H6PD: variants seen among roughly 807,000 people sequenced by gnomAD.
H6PD encodes hexose-6-phosphate dehydrogenase/glucose 1-dehydrogenase.
A neutral mutation model predicts 61.2 loss-of-function variants in H6PD; 48 were observed. That is an observed-to-expected ratio of 0.78 (90% CI 0.62 to 1.00). The LOEUF is 1.00. Among genes scored for constraint, H6PD ranks in the 50% least tolerant of loss-of-function variants. The pLI is 0.00. For synonymous variants in H6PD, 480 were observed against 457.9 expected, an observed-to-expected ratio of 1.05 and a Z score of -0.62; for missense variants, 1,093 against 1,065.0, an observed-to-expected ratio of 1.03 and a Z score of -0.37.
At chr1:9,263,209 G>A (rs986049760) in intron 4 of H6PD, among the ~76,000 whole-genome samples, 1 of 152,176 alleles carries the variant, frequency 6.6e-6, no homozygotes, top group African/African-American at 2.4e-5. Flanking sequence ...GCGTCCTTTA[G>A]AGTCTCCAGG....
At position 9,252,123 on chromosome 1, in the gene H6PD, C is replaced by T. The variant is rs150378682; in HGVS notation, c.745+5040C>T. 2.0e-4 allele frequency among the ~76,000 whole-genome samples: 31 copies of T among 152,184 alleles called. No individual in the cohort carries two copies. The East Asian group carries it at 5.2e-3, about 26-fold the overall frequency. ...CTTCCAAGTTTGCAAGGAGAGGCAG[C>T]GGCAGTGTTCTTGCAGTGTGTCTGA... On this transcript the variant is annotated intron_variant, in intron 3 of 4. Transcript: ENST00000377403.
At chr1:9,250,854 C>T (rs74053624) in intron 3 of H6PD, among the ~76,000 whole-genome samples, 51 of 152,330 alleles carry the variant, frequency 3.3e-4, no homozygotes, top group African/African-American at 7.9e-4. Flanking sequence ...CCGGCTTCCC[C>T]GGCTCCCTCC....
rs542670469 is a variant in H6PD at position 9,260,115 on chromosome 1, G to A, written c.746-1944G>A. On this transcript the variant is annotated intron_variant, in intron 3 of 4. Transcript: ENST00000377403. ...TACGCCGGTGTCGTTATGTTGTTAC[G>A]CCAGTGTTGTTACGTTGCTGTTAGC... Among the ~76,000 whole-genome samples the A allele has an allele frequency of 9.2e-5, 14 of 151,394 alleles. No homozygotes were observed. In the East Asian group the frequency reaches 2.4e-3, roughly 26 times the overall value.
Position 9,245,373 on chromosome 1 carries a change from T to C in H6PD, c.439T>C (p.Phe147Leu). 6.2e-7 allele frequency: 1 copy of C among 1,614,098 alleles called. No individual in the cohort carries two copies. The highest frequency in any genetic ancestry group is 8.5e-7 in the Non-Finnish European group (1 of 1,179,976). ...GATCTTCTACTTCTCAGTGCCACCC[T>C]TCGCCTATGAAGACATTGCCCGCAA... ...GRIFYFSVPP[F>L]AYEDIARNIN... Residue 147 changes from phenylalanine (F) to leucine (L), a missense_variant, in exon 2 of 5, where the codon TTC becomes CTC. Physicochemically the swap from Phe to Leu is conservative, Grantham distance 22. Coordinates refer to ENST00000377403, the MANE Select transcript of H6PD (RefSeq NM_004285.4). This position sits in a 1 kb window ranked among gnomAD's most constrained non-coding sequence, Gnocchi z 4.8.
At chr1:9,258,345 T>G (rs1641591436) in intron 3 of H6PD, among the ~76,000 whole-genome samples, 1 of 152,216 alleles carries the variant, frequency 6.6e-6, no homozygotes, top group African/African-American at 2.4e-5. Context: ...ACATTGTTGT[T>G]ACACCAGTGT....
In H6PD at chr1:9,264,475, G is replaced by A. The variant is rs764108040; in HGVS notation, c.1982G>A (p.Arg661Gln). 34 of 1,613,140 alleles carry A rather than the reference G, an allele frequency of 2.1e-5. No individual in the cohort carries two copies. Among genetic ancestry groups the A allele is most frequent in the Middle Eastern group, 1.6e-4 (1 of 6,084 alleles). Residue 661 changes from arginine (R) to glutamine (Q), a missense_variant, in exon 5 of 5, where the codon CGG (arginine) becomes CAG (glutamine). Arg to Gln is a conservative substitution (Grantham distance 43). Transcript: ENST00000377403. ...IHPMPVHLQQ[R>Q]LCAEEDQGAQ... ...CCCATGCCTGTGCACCTGCAGCAGCGGCTCTGCGCCGAGGAGGACCAGGGC... is the reference window on the plus strand; with the variant it reads ...CCCATGCCTGTGCACCTGCAGCAGCAGCTCTGCGCCGAGGAGGACCAGGGC...
At chr1:9,261,908 G>T in intron 3 of H6PD, 151 bp from the exon 4 acceptor site, 1 of 776,194 alleles carries the variant, frequency 1.3e-6, no homozygotes, top group Non-Finnish European at 2.2e-6. Context: ...GGTGAGGTTG[G>T]CTTTGGTGTG....
At chr1:9,257,616 A>G (rs1437740645) in intron 3 of H6PD, among the ~76,000 whole-genome samples, 1 of 152,216 alleles carries the variant, frequency 6.6e-6, no homozygotes, top group Admixed American at 6.5e-5. Flanking sequence ...GATGCCACTC[A>G]GATGGAGCCT....
At position 9,245,164 on chromosome 1, in the gene H6PD, T is replaced by G; in HGVS notation, c.230T>G (p.Met77Arg). ...LTAPKQGQEL[M>R]AKALESLSCP... The stretch of plus-strand genomic sequence containing the variant: ...GCCCCCAAGCAGGGTCAAGAGCTCA[T>G]GGCCAAGGCCCTGGAATCCCTCTCC... Residue 77 changes from methionine (M) to arginine (R), a missense_variant, in exon 2 of 5, where the codon ATG (methionine) becomes AGG (arginine). Coordinates refer to ENST00000377403, the MANE Select transcript of H6PD (RefSeq NM_004285.4). The surrounding 1 kb of genome is among the most constrained non-coding windows in gnomAD (Gnocchi z 4.8). 1 of 1,614,204 alleles carries G rather than the reference T, an allele frequency of 6.2e-7. No homozygotes were observed. The highest frequency in any genetic ancestry group is 8.5e-7 in the Non-Finnish European group (1 of 1,180,030).
rs1280360481 is a variant in H6PD, at chr1:9,262,165, C to T, written c.852C>T (p.Ser284=). ...LVAMELPHNV[S]SAEAVLRHKL... ...CCATGGAGCTGCCCCACAATGTCAG[C>T]AGTGCGGAGGCTGTGCTGCGGCACA... Residue 284 remains serine (S), a synonymous_variant, in exon 4 of 5, where the codon AGC becomes AGT. Transcript: ENST00000377403. 1 of 1,614,146 alleles carries T rather than the reference C, an allele frequency of 6.2e-7. No homozygotes were observed. Among genetic ancestry groups the T allele is most frequent in the African/African-American group, 1.3e-5 (1 of 74,964 alleles).
rs372630974 is a variant in H6PD at position 9,245,416 on chromosome 1, G to A, written c.482G>A (p.Arg161Gln). The change falls in exon 2 of 5, where the codon CGG becomes CAG. Residue 161 changes from arginine to glutamine, a missense_variant. Coordinates refer to ENST00000377403, the MANE Select transcript of H6PD (RefSeq NM_004285.4). The surrounding 1 kb of genome is among the most constrained non-coding windows in gnomAD (Gnocchi z 4.8). ...GCCCGCAACATCAACAGTAGCTGCCGGCCAGGCCCGGGCGCCTGGCTGCGG... is the reference window on the plus strand; with the variant it reads ...GCCCGCAACATCAACAGTAGCTGCCAGCCAGGCCCGGGCGCCTGGCTGCGG... ...DIARNINSSC[R>Q]PGPGAWLRVV... 1.7e-5 allele frequency: 28 copies of A among 1,613,936 alleles called. No individual in the cohort carries two copies. The highest frequency in any genetic ancestry group is 8.9e-5 in the East Asian group (4 of 44,886).
Position 9,245,316 on chromosome 1 carries a change from C to T in H6PD, c.382C>T (p.Leu128Phe). 1 of 1,614,236 alleles carries T rather than the reference C, an allele frequency of 6.2e-7. No homozygotes were observed. The highest frequency in any genetic ancestry group is 8.5e-7 in the Non-Finnish European group (1 of 1,180,050). The part of the protein sequence containing the change: ...QALNKDIEAQ[L>F]QHAGLREAGR... ...CCTGAACAAGGACATCGAGGCACAG[C>T]TCCAGCACGCAGGCCTCCGGGAGGC... The change falls in exon 2 of 5, where the codon CTC becomes TTC. Residue 128 changes from leucine to phenylalanine, a missense_variant. Physicochemically the swap from Leu to Phe is conservative, Grantham distance 22. Transcript: ENST00000377403. This position sits in a 1 kb window ranked among gnomAD's most constrained non-coding sequence, Gnocchi z 4.8.
chr1:9,252,401 G>C (rs1641396174), intron 3 of H6PD, among the ~76,000 whole-genome samples: 1 of 151,912 alleles, frequency 6.6e-6, no homozygotes, highest in South Asian at 2.1e-4. Context: ...CTAGTTTTTT[G>C]CTATTTTATT....
chr1:9,258,948 C>T (rs568971377), intron 3 of H6PD, among the ~76,000 whole-genome samples: 8 of 152,024 alleles, frequency 5.3e-5, no homozygotes, highest in East Asian at 1.9e-4. Flanking sequence ...ATTGCTGTTA[C>T]GATGATGGTG....
At position 9,263,967 on chromosome 1, in the gene H6PD, A is replaced by T; in HGVS notation, c.1474A>T (p.Ser492Cys). Residue 492 changes from serine (S) to cysteine (C), a missense_variant, in exon 5 of 5, where the codon AGC becomes TGC. Physicochemically the swap from Ser to Cys is moderately radical, Grantham distance 112 (BLOSUM62 -1). Transcript: ENST00000377403. Reference protein sequence around the residue: ...SWNFWTPLLESLAHKAPRLYP... With the variant: ...SWNFWTPLLECLAHKAPRLYP... ...GAACTTCTGGACCCCTCTGCTGGAGAGCCTGGCCCATAAGGCCCCACGCCT... is the reference window on the plus strand; with the variant it reads ...GAACTTCTGGACCCCTCTGCTGGAGTGCCTGGCCCATAAGGCCCCACGCCT... 6.2e-7 allele frequency: 1 copy of T among 1,614,132 alleles called. No homozygotes were observed. Among genetic ancestry groups the T allele is most frequent in the Non-Finnish European group, 8.5e-7 (1 of 1,180,026 alleles).
Position 9,263,950 on chromosome 1 carries a change from G to A in H6PD, c.1457G>A (p.Trp486Ter), listed in dbSNP as rs1638442949. The change falls in exon 5 of 5, where the codon TGG becomes TAG. Residue 486 changes from tryptophan to a stop codon, truncating the protein, a stop_gained. Transcript: ENST00000377403. LOFTEE classifies it high-confidence loss of function. ...TENLLASWNF[W>*]TPLLESLAHK... is the part of the protein sequence containing the mutation. ...AACTTGCTGGCCTCCTGGAACTTCT[G>A]GACCCCTCTGCTGGAGAGCCTGGCC... is the stretch of plus-strand genomic sequence containing the variant. 1.9e-6 allele frequency: 3 copies of A among 1,614,062 alleles called. No individual in the cohort carries two copies. In the African/African-American group the frequency reaches 4.0e-5, roughly 22 times the overall value.
chr1:9,257,290 A>AT lies in H6PD; in HGVS notation c.746-4757dup, dbSNP rs559290011. Among the ~76,000 whole-genome samples the AT allele has an allele frequency of 7.2e-4, 104 of 145,278 alleles. No homozygotes were observed. In the South Asian group the frequency reaches 0.01, roughly 14 times the overall value. On this transcript the variant is annotated intron_variant, in intron 3 of 4. Coordinates refer to ENST00000377403, the MANE Select transcript of H6PD (RefSeq NM_004285.4). Reference sequence around the variant, plus strand: ...AAATAGTTGGGACCACACTTGGCTAATTTTTTTTTTTTAATTTTTTGTAGA... The same window carrying AT: ...AAATAGTTGGGACCACACTTGGCTAATTTTTTTTTTTTTAATTTTTTGTAGA...
rs752666710 is a variant in H6PD at position 9,264,073 on chromosome 1, C to T, written c.1580C>T (p.Pro527Leu). 39 of 1,613,898 alleles carry T rather than the reference C, an allele frequency of 2.4e-5. No individual in the cohort carries two copies. In the Admixed American group the frequency reaches 3.0e-4, roughly 12 times the overall value. Residue 527 changes from proline to leucine, a missense_variant, in exon 5 of 5, where the codon CCG becomes CTG. By Grantham distance (98) the Pro-to-Leu change is moderately conservative. Coordinates refer to ENST00000377403, the MANE Select transcript of H6PD (RefSeq NM_004285.4). The part of the protein sequence containing the change: ...SGRLFFSQQQ[P>L]EQLVPGPGPA... The stretch of plus-strand genomic sequence containing the variant: ...CGGTTGTTCTTTTCCCAGCAGCAGC[C>T]GGAGCAGCTGGTGCCAGGGCCAGGG...
intron 3 of H6PD, among the ~76,000 whole-genome samples, chr1:9,250,969 G>A (rs1427017298): frequency 6.6e-6 from 1 of 152,178 alleles, no homozygotes; most frequent in African/African-American, 2.4e-5. Context: ...GCCGGAGGGG[G>A]TGGGGAGGAG....
Sources: gnomAD v4.1 joint callset for allele counts (sites outside exome capture counted in the v4.1 genomes callset) on GRCh38, gnomAD v4.1.1 for gene constraint, Gnocchi (gnomAD v3.1) non-coding constraint, MANE v1.5 for transcripts, NCBI Gene and HGNC (gene_info 2026-07-23, HGNC 2026-07-21) for gene names.